The following ACSL6 variants were observed in gnomAD, a reference collection of about 807,000 sequenced individuals.
The protein encoded by ACSL6 is long-chain-fatty-acid--CoA ligase 6.
ACSL6 carries 47 observed loss-of-function variants against 98.2 expected under a neutral mutation model. That is an observed-to-expected ratio of 0.48 (90% confidence interval 0.38 to 0.61). The LOEUF (loss-of-function observed/expected upper bound fraction) is 0.61, where lower values mean the gene tolerates loss of function less well. Ranked by LOEUF, ACSL6 falls within the 20% of genes least tolerant of loss-of-function variation. The pLI is 0.00. For missense variants in ACSL6, 761 were observed against 913.4 expected, an observed-to-expected ratio of 0.83 and a Z score of 2.15; for synonymous variants, 362 against 336.9, an observed-to-expected ratio of 1.07 and a Z score of -0.82.
chr5:131,985,171 T>C lies in ACSL6; in HGVS notation c.916+236A>G. 5.3e-6 allele frequency: 3 copies of C among 562,080 alleles called. No individual in the cohort carries two copies. The South Asian group carries it at 5.7e-5, about 11-fold the overall frequency. 34.8% of individuals were successfully genotyped at this position (562,080 alleles called of 1,614,324 possible). On this transcript the variant is annotated intron_variant, in intron 9 of 20. Coordinates refer to ENST00000651883, the MANE Select transcript of ACSL6 (RefSeq NM_001009185.3). ...CTGCCCATGACTCTGCTGACTCAGC[T>C]CTGGGAGGTGCCAAGCCCTCACACT...
chr5:131,976,606 GT>G (rs1404101412), intron 10 of ACSL6, 41 bp downstream of exon 10: 1 of 1,477,378 alleles, frequency 6.8e-7, no homozygotes. Flanking sequence ...GCTTGAGGTT[GT>G]CCTCAAGAGA....
At chr5:131,976,245 A>C (rs1160495812) in intron 10 of ACSL6, 1 of 984,274 alleles carries the variant, frequency 1.0e-6, no homozygotes, top group Non-Finnish European at 1.2e-6. Flanking sequence ...GTAGTCCTTA[A>C]ACACAAAATG....
chr5:131,993,689 T>A, intron 2 of ACSL6: 1 of 282,776 alleles, frequency 3.5e-6, no homozygotes, highest in Non-Finnish European at 6.9e-6. Context: ...ACCAGGAGAG[T>A]TTGGGAGGGA....
In ACSL6 at chr5:131,985,439, A is replaced by C; in HGVS notation, c.884T>G (p.Leu295Arg). 6.2e-7 allele frequency: 1 copy of C among 1,613,940 alleles called. No homozygotes were observed. The highest frequency in any genetic ancestry group is 8.5e-7 in the Non-Finnish European group (1 of 1,179,990). ...GCCGCTTGTGAAACACACAATGGAG[A>C]GGTCATCAGGCTGCGGGGGCTGCAG... is the stretch of plus-strand genomic sequence containing the variant. Reference protein sequence around the residue: ...QAPVPPQPDDLSIVCFTSGTT... With the variant: ...QAPVPPQPDDRSIVCFTSGTT... The change falls in exon 9 of 21, where the codon CTC becomes CGC. Residue 295 changes from leucine (L) to arginine (R), a missense_variant. Transcript: ENST00000651883.
At position 132,001,783 on chromosome 5, in the gene ACSL6, T is replaced by A. The variant is rs554497397; in HGVS notation, c.50-7532A>T. 8.9e-4 allele frequency: 136 copies of A among 152,396 alleles called. 1 individual carries two copies. The highest frequency in any genetic ancestry group is 1.2e-3 in the Non-Finnish European group (79 of 68,096). 9.4% of individuals were successfully genotyped at this position (152,396 alleles called of 1,614,324 possible). ...CTGCCCGCTGGCCTCCCCATCCTCA[T>A]GACAGTACCTCTCAAAAATCTCACT... is the stretch of plus-strand genomic sequence containing the variant. On this transcript the variant is annotated intron_variant, in intron 1 of 20. Coordinates refer to ENST00000651883, the MANE Select transcript of ACSL6 (RefSeq NM_001009185.3).
Position 131,951,335 on chromosome 5 carries a change from A to G in ACSL6, c.*2899T>C. On this transcript the variant is annotated 3_prime_UTR_variant, in exon 21 of 21. Coordinates refer to ENST00000651883, the MANE Select transcript of ACSL6 (RefSeq NM_001009185.3). ...TTCTCCTCCAGAATAAAGTTGGGAA[A>G]TCTGAAGCAAGAAGGATTTTTCCAC... 4.9e-6 allele frequency: 1 copy of G among 202,106 alleles called. No individual in the cohort carries two copies. The highest frequency in any genetic ancestry group is 1.0e-5 in the Non-Finnish European group (1 of 98,234). The allele number at this position is 202,106 out of a possible 1,614,324, so 12.5% of individuals were successfully genotyped here.
At chr5:131,971,418 T>C in intron 14 of ACSL6, 132 bp downstream of exon 14, 1 of 699,632 alleles carries the variant, frequency 1.4e-6, no homozygotes, top group Non-Finnish European at 2.1e-6. Flanking sequence ...TTTTTCCTCC[T>C]CAGAGGAGGG....
intron 4 of ACSL6, 149 bp downstream of exon 4, chr5:131,989,951 C>A (rs143319315): frequency 2.5e-6 from 2 of 805,422 alleles, no homozygotes; most frequent in African/African-American, 3.5e-5. Context: ...TGCTGGAAGC[C>A]CTTCAAGGCT....
intron 13 of ACSL6, among the ~76,000 whole-genome samples, 157 bp from the exon 14 acceptor site, chr5:131,971,802 T>A (rs1753324785): frequency 6.6e-6 from 1 of 152,218 alleles, no homozygotes; most frequent in Admixed American, 6.5e-5. Flanking sequence ...ACACACGAGC[T>A]GAGGAAACTC....
chr5:131,963,772 T>A (rs555664800), intron 17 of ACSL6, among the ~76,000 whole-genome samples: 1 of 152,254 alleles, frequency 6.6e-6, no homozygotes, highest in African/African-American at 2.4e-5. Context: ...GCCAGAGCAA[T>A]CTCTCCAAAA....
At chr5:131,971,892 T>C (rs1332109650) in intron 13 of ACSL6, among the ~76,000 whole-genome samples, 2 of 152,240 alleles carry the variant, frequency 1.3e-5, no homozygotes, top group African/African-American at 4.8e-5. Context: ...CCTTTTGAGA[T>C]AAGTACCATC....
chr5:131,962,689 G>A lies in ACSL6; in HGVS notation c.1714-11C>T. ...TTTAAGAGTTCCTGCCTGTAGAGTT[G>A]GACAAACAGCTTTATAAGAACATGG... On this transcript the variant is annotated splice_polypyrimidine_tract_variant and intron_variant, in intron 17 of 20. Transcript: ENST00000651883. The A allele has an allele frequency of 6.2e-7, 1 of 1,613,410 alleles. No homozygotes were observed. Among genetic ancestry groups the A allele is most frequent in the Non-Finnish European group, 8.5e-7 (1 of 1,179,658 alleles).
chr5:131,990,270 C>T, intron 3 of ACSL6, 106 bp from the exon 4 acceptor site: 1 of 1,147,112 alleles, frequency 8.7e-7, no homozygotes, highest in Non-Finnish European at 1.3e-6. Flanking sequence ...TGTAGTGTGT[C>T]CATGGGCCAA....
At chr5:131,997,315 C>T (rs1160432562) in intron 1 of ACSL6, among the ~76,000 whole-genome samples, 1 of 152,312 alleles carries the variant, frequency 6.6e-6, no homozygotes, top group African/African-American at 2.4e-5. Context: ...GTTCAGCAAG[C>T]GAGGCACACA....
rs1752234118 is a variant in ACSL6, at chr5:131,953,109, T to G, written c.*1125A>C. Reference sequence around the variant, plus strand: ...ACTCTGAGTTTCTTCTCCCAAGTATTCCTCAAGGATCCATTCATTGTAGAG... The same window carrying G: ...ACTCTGAGTTTCTTCTCCCAAGTATGCCTCAAGGATCCATTCATTGTAGAG... On this transcript the variant is annotated 3_prime_UTR_variant, in exon 21 of 21. Transcript: ENST00000651883. 1 of 199,760 alleles carries G rather than the reference T, an allele frequency of 5.0e-6. No individual in the cohort carries two copies. The highest frequency in any genetic ancestry group is 2.3e-5 in the African/African-American group (1 of 43,416). The allele number at this position is 199,760 out of a possible 1,614,324, so 12.4% of individuals were successfully genotyped here.
At chr5:131,973,529 C>T in intron 11 of ACSL6, 129 bp from the exon 12 acceptor site, 3 of 949,558 alleles carry the variant, frequency 3.2e-6, no homozygotes, top group Non-Finnish European at 4.6e-6. Flanking sequence ...TGGCTGCTGC[C>T]ATGAGACACT....
intron 9 of ACSL6, chr5:131,983,897 G>T (rs1291145508): frequency 6.6e-6 from 1 of 152,294 alleles, no homozygotes; most frequent in Non-Finnish European, 1.5e-5. Context: ...GCATCATGAA[G>T]TTTTTCTCCA....
intron 18 of ACSL6, 65 bp downstream of exon 18, chr5:131,962,470 A>G (rs1033800860): frequency 1.3e-5 from 20 of 1,525,540 alleles, no homozygotes; most frequent in Non-Finnish European, 1.4e-5. Context: ...TTGGAGGTTA[A>G]TGTTTAATCT....
intron 9 of ACSL6, among the ~76,000 whole-genome samples, chr5:131,981,704 T>C (rs1433313270): frequency 1.3e-5 from 2 of 152,248 alleles, no homozygotes; most frequent in East Asian, 3.8e-4. Context: ...TTACAAACAG[T>C]GTTGCTATGA....
Sources: allele counts gnomAD v4.1 joint callset (sites outside exome capture counted in the v4.1 genomes callset), GRCh38; gene constraint gnomAD v4.1.1; transcripts MANE v1.5; gene names NCBI Gene and HGNC (gene_info 2026-07-23, HGNC 2026-07-21).